LAMA2: variants seen among roughly 807,000 people sequenced by gnomAD.
LAMA2 encodes laminin subunit alpha 2, also known as laminin subunit alpha-2.
In LAMA2, 269 loss-of-function variants were observed where a neutral mutation model predicts 364.8. That is an observed-to-expected ratio of 0.74 (90% CI 0.67 to 0.82). The LOEUF (loss-of-function observed/expected upper bound fraction) is 0.82. Ranked by LOEUF, LAMA2 falls within the 40% of genes least tolerant of loss-of-function variation. The probability of loss-of-function intolerance (pLI) is 0.00; values close to 1 mark genes in which losing one functional copy is unlikely to be tolerated. For missense variants in LAMA2, 3,807 were observed against 3,873.2 expected, an observed-to-expected ratio of 0.98 and a Z score of 0.45; for synonymous variants, 1,379 against 1,370.6, an observed-to-expected ratio of 1.01 and a Z score of -0.14.
chr6:129,216,484 T>C (rs2115083844), intron 12 of LAMA2, among the ~76,000 whole-genome samples: 1 of 152,342 alleles, frequency 6.6e-6, no homozygotes, highest in African/African-American at 2.4e-5. Context: ...TGAATCATGC[T>C]ATGTTACAAG....
chr6:129,354,173 T>C (rs1472757454), intron 32 of LAMA2, among the ~76,000 whole-genome samples: 4 of 152,200 alleles, frequency 2.6e-5, no homozygotes, highest in Non-Finnish European at 5.9e-5. Flanking sequence ...TTTTAGCATA[T>C]TGTTTGAGTC....
intron 41 of LAMA2, among the ~76,000 whole-genome samples, chr6:129,433,716 G>A (rs1342715741): frequency 6.6e-6 from 1 of 152,082 alleles, no homozygotes; most frequent in Non-Finnish European, 1.5e-5. Flanking sequence ...GTATACATAT[G>A]TTTAGGAAAT....
intron 20 of LAMA2, 66 bp from the exon 21 acceptor site, chr6:129,297,619 G>C: frequency 6.9e-7 from 1 of 1,439,632 alleles, no homozygotes; most frequent in Non-Finnish European, 9.7e-7. Context: ...CTTTGGTATT[G>C]TGCATCTTGC....
Position 129,492,097 on chromosome 6 carries a change from A to G in LAMA2, c.8075+20A>G, listed in dbSNP as rs139684979. ...CTCTGTGTAAGTGGATCTCCTCATT[A>G]CTACTACTAATTTTTTATTTTTATT... is the stretch of plus-strand genomic sequence containing the variant. On this transcript the variant is annotated intron_variant, in intron 57 of 64. Transcript: ENST00000421865. 2.6e-4 allele frequency: 415 copies of G among 1,600,764 alleles called. 2 individuals are homozygous for G. The African/African-American group carries it at 5.0e-3, about 19-fold the overall frequency.
At chr6:129,177,948 T>A in intron 10 of LAMA2, 82 bp downstream of exon 10, 1 of 1,373,926 alleles carries the variant, frequency 7.3e-7, no homozygotes, top group Non-Finnish European at 1.0e-6. Context: ...TCCTTGGCAT[T>A]AAGCAATTTT....
chr6:129,361,783 C>CTTTTT (rs66805881), intron 32 of LAMA2, among the ~76,000 whole-genome samples: 1 of 121,084 alleles, frequency 8.3e-6, no homozygotes, highest in Non-Finnish European at 1.7e-5. Context: ...TAACAGTAAC[C>CTTTTT]TTTTTTTTTT....
chr6:129,414,227 C>G (rs9402126), intron 40 of LAMA2, among the ~76,000 whole-genome samples: 73,743 of 151,714 alleles, frequency 0.49, 18,219 homozygotes, highest in African/African-American at 0.56. Flanking sequence ...GTAGTTAATA[C>G]AACAAAATAA....
In LAMA2 at chr6:129,066,045, T is replaced by G. The variant is rs1219059145; in HGVS notation, c.396+6149T>G. On this transcript the variant is annotated intron_variant, in intron 3 of 64. Coordinates refer to ENST00000421865, the MANE Select transcript of LAMA2 (RefSeq NM_000426.4). ...TAAATTGCCCAGTCTCAGGTTTTTT[T>G]TTTTTTTTTTTTTTTTTTGAGACGC... Among the ~76,000 whole-genome samples the G allele has an allele frequency of 3.4e-4, 28 of 82,006 alleles. 6 individuals are homozygous for G. The highest frequency in any genetic ancestry group is 1.1e-3 in the South Asian group (2 of 1,876). 53.8% of individuals were successfully genotyped at this position (82,006 alleles called of 152,430 possible). A position where few individuals can be genotyped will look rare whatever the true frequency, so the allele number is the denominator to read the frequency against.
intron 1 of LAMA2, among the ~76,000 whole-genome samples, chr6:129,022,652 A>T (rs905454164): frequency 1.3e-5 from 2 of 152,306 alleles, no homozygotes; most frequent in Middle Eastern, 6.8e-3. Flanking sequence ...AGATAAAATC[A>T]TCATACTTCA....
At chr6:129,428,039 G>A (rs911768725) in intron 41 of LAMA2, among the ~76,000 whole-genome samples, 185 bp downstream of exon 41, 3 of 152,196 alleles carry the variant, frequency 2.0e-5, no homozygotes, top group African/African-American at 7.2e-5. Flanking sequence ...CTCACTTCAA[G>A]TAGGGTAATA....
chr6:129,079,206 AAG>A (rs925014959), intron 3 of LAMA2, among the ~76,000 whole-genome samples: 1 of 152,048 alleles, frequency 6.6e-6, no homozygotes, highest in Admixed American at 6.6e-5. Context: ...AAAACATTTT[AAG>A]AGAGAGAGAG....
chr6:129,023,243 A>T (rs1049501961), intron 1 of LAMA2, among the ~76,000 whole-genome samples: 2 of 152,172 alleles, frequency 1.3e-5, no homozygotes, highest in African/African-American at 2.4e-5. Flanking sequence ...TATGGCATTT[A>T]ACATGTCTTT....
Position 129,460,410 on chromosome 6 carries a change from G to A in LAMA2, c.6992+86G>A, listed in dbSNP as rs1490933011. The A allele has an allele frequency of 6.8e-6, 9 of 1,321,280 alleles. No homozygotes were observed. In the South Asian group the frequency reaches 1.1e-4, roughly 16 times the overall value. 81.8% of individuals were successfully genotyped at this position (1,321,280 alleles called of 1,614,324 possible). A position where few individuals can be genotyped will look rare whatever the true frequency, so the allele number is the denominator to read the frequency against. ...ATTGCATAATATTCTATTATCATGTGGATGATGTGGAGCAGGTTTGAAAGG... is the reference window on the plus strand; with the variant it reads ...ATTGCATAATATTCTATTATCATGTAGATGATGTGGAGCAGGTTTGAAAGG... On this transcript the variant is annotated intron_variant, in intron 49 of 64. Coordinates refer to ENST00000421865, the MANE Select transcript of LAMA2 (RefSeq NM_000426.4).
chr6:129,206,043 G>T (rs1217763325), intron 12 of LAMA2, among the ~76,000 whole-genome samples: 10 of 99,150 alleles, frequency 1.0e-4, no homozygotes, highest in Non-Finnish European at 1.9e-5. Context: ...GAAAGGAAAA[G>T]AAAAAAAGGA....
At chr6:129,335,748 T>C (rs189980374) in intron 29 of LAMA2, among the ~76,000 whole-genome samples, 5 of 152,318 alleles carry the variant, frequency 3.3e-5, no homozygotes, top group African/African-American at 1.2e-4. Context: ...GTTAGCATTA[T>C]ACTAAGTTCT....
chr6:129,026,780 A>G (rs1182717797), intron 1 of LAMA2, among the ~76,000 whole-genome samples: 1 of 152,168 alleles, frequency 6.6e-6, no homozygotes, highest in Non-Finnish European at 1.5e-5. Flanking sequence ...ATAGAATAGC[A>G]TCAAATTGAT....
At chr6:129,462,637 A>G (rs935095058) in intron 49 of LAMA2, among the ~76,000 whole-genome samples, 8 of 151,774 alleles carry the variant, frequency 5.3e-5, no homozygotes, top group African/African-American at 1.2e-4. Context: ...TTGTTTTGTG[A>G]GTTCTCTAAT....
Position 129,192,790 on chromosome 6 carries a change from G to A in LAMA2, c.1719G>A (p.Glu573=). 14 of 1,614,174 alleles carry A rather than the reference G, an allele frequency of 8.7e-6. No individual in the cohort carries two copies. Among genetic ancestry groups the A allele is most frequent in the Non-Finnish European group, 1.2e-5 (14 of 1,180,034 alleles). Reference sequence around the variant, plus strand: ...AGCAGATCAGCATCAGTAACGCGGAGGCCCGGCAAGCCCTGCCGCACAGCT... The same window carrying A: ...AGCAGATCAGCATCAGTAACGCGGAAGCCCGGCAAGCCCTGCCGCACAGCT... ...SPQQISISNA[E]ARQALPHSYY... The change falls in exon 12 of 65, where the codon GAG becomes GAA. Residue 573 remains glutamate (E), a synonymous_variant. Coordinates refer to ENST00000421865, the MANE Select transcript of LAMA2 (RefSeq NM_000426.4).
intron 12 of LAMA2, among the ~76,000 whole-genome samples, chr6:129,245,449 G>A (rs191182636): frequency 6.4e-4 from 98 of 152,238 alleles, no homozygotes; most frequent in African/African-American, 2.2e-3. Context: ...TAAAATCAGA[G>A]AAATCAATAT....
Sources: allele counts gnomAD v4.1 joint callset (sites outside exome capture counted in the v4.1 genomes callset), GRCh38; gene constraint gnomAD v4.1.1; transcripts MANE v1.5; gene names NCBI Gene and HGNC (gene_info 2026-07-23, HGNC 2026-07-21).